PROC: variants seen among roughly 807,000 people sequenced by gnomAD.
The protein encoded by PROC is protein C, inactivator of coagulation factors Va and VIIIa.
PROC carries 22 observed loss-of-function variants against 36.3 expected under a neutral mutation model. The ratio of observed to expected loss-of-function variants is 0.61; its 90% confidence interval spans 0.43 to 0.86. The LOEUF is 0.86. Among genes scored for constraint, PROC ranks in the 40% least tolerant of loss-of-function variants. PROC has a pLI of 0.00. For synonymous variants in PROC, 218 were observed against 244.5 expected, an observed-to-expected ratio of 0.89 and a Z score of 1.01; for missense variants, 526 against 629.7, an observed-to-expected ratio of 0.84 and a Z score of 1.76.
At chr2:127,422,643 G>A (rs1176051713) in intron 3 of PROC, among the ~76,000 whole-genome samples, 1 of 152,220 alleles carries the variant, frequency 6.6e-6, no homozygotes, top group Non-Finnish European at 1.5e-5. Context: ...TGCTGTGGGA[G>A]CAGACAGTCG....
At position 127,423,030 on chromosome 2, in the gene PROC, G is replaced by T; in HGVS notation, c.263-4G>T. ...CTGACCCCCTACCCCGCCTTGTGTC[G>T]CAGACGGTGACCAGTGCTTGGTCTT... On this transcript the variant is annotated splice_region_variant and splice_polypyrimidine_tract_variant and intron_variant, in intron 4 of 8. Coordinates refer to ENST00000234071, the MANE Select transcript of PROC (RefSeq NM_000312.4). 1 of 1,612,530 alleles carries T rather than the reference G, an allele frequency of 6.2e-7. No homozygotes were observed. Among genetic ancestry groups the T allele is most frequent in the Non-Finnish European group, 8.5e-7 (1 of 1,179,798 alleles).
At chr2:127,425,116 C>T (rs1173442489) in intron 6 of PROC, among the ~76,000 whole-genome samples, 1 of 152,226 alleles carries the variant, frequency 6.6e-6, no homozygotes, top group African/African-American at 2.4e-5. Flanking sequence ...GTTTCTCTTA[C>T]AAACTCTCAA....
Position 127,425,892 on chromosome 2 carries a change from TTGAC to T in PROC, c.536-174_536-171del, listed in dbSNP as rs571430618. ...TCTTACCATTCAGTGGCACTGTTTG[TTGAC>T]TGACTGACTGACTGACTGGCTGACT... On this transcript the variant is annotated intron_variant, in intron 6 of 8. Transcript: ENST00000234071. Among the ~76,000 whole-genome samples the T allele has an allele frequency of 1.6e-3, 249 of 152,272 alleles. 3 individuals carry two copies. The Middle Eastern group carries it at 0.024, about 15-fold the overall frequency.
chr2:127,428,485 G>C lies in PROC; in HGVS notation c.925G>C (p.Ala309Pro). The change falls in exon 9 of 9, where the codon GCC becomes CCC. Residue 309 changes from alanine (A) to proline (P), a missense_variant. By Grantham distance (27) the Ala-to-Pro change is conservative. Transcript: ENST00000234071. Reference sequence around the variant, plus strand: ...CGCACTGCTGCACCTGGCCCAGCCCGCCACCCTCTCGCAGACCATAGTGCC... The same window carrying C: ...CGCACTGCTGCACCTGGCCCAGCCCCCCACCCTCTCGCAGACCATAGTGCC... ...DIALLHLAQPATLSQTIVPIC... is the reference protein window; with the variant it reads ...DIALLHLAQPPTLSQTIVPIC... 1 of 1,614,092 alleles carries C rather than the reference G, an allele frequency of 6.2e-7. No homozygotes were observed. The highest frequency in any genetic ancestry group is 8.5e-7 in the Non-Finnish European group (1 of 1,180,032).
rs1325858545 is a variant in PROC at position 127,428,824 on chromosome 2, T to G, written c.1264T>G (p.Trp422Gly). The change falls in exon 9 of 9, where the codon TGG (tryptophan) becomes GGG (glycine). Residue 422 changes from tryptophan (W) to glycine (G), a missense_variant. Physicochemically the swap from Trp to Gly is radical, Grantham distance 184. Transcript: ENST00000234071. ...CTGGTTCCTGGTGGGCCTGGTGAGCTGGGGTGAGGGCTGTGGGCTCCTTCA... is the reference window on the plus strand; with the variant it reads ...CTGGTTCCTGGTGGGCCTGGTGAGCGGGGGTGAGGGCTGTGGGCTCCTTCA... Reference protein sequence around the residue: ...GTWFLVGLVSWGEGCGLLHNY... With the variant: ...GTWFLVGLVSGGEGCGLLHNY... The G allele has an allele frequency of 5.6e-6, 9 of 1,612,180 alleles. No homozygotes were observed. Among genetic ancestry groups the G allele is most frequent in the Non-Finnish European group, 8.5e-7 (1 of 1,178,980 alleles).
intron 6 of PROC, among the ~76,000 whole-genome samples, chr2:127,424,340 C>T (rs1305186678): frequency 6.6e-6 from 1 of 152,200 alleles, no homozygotes; most frequent in East Asian, 1.9e-4. Context: ...GCTGGGATTA[C>T]AGGCATGCGC....
At chr2:127,423,507 G>A in intron 6 of PROC, 99 bp downstream of exon 6, 1 of 1,452,108 alleles carries the variant, frequency 6.9e-7, no homozygotes, top group African/African-American at 1.4e-5. Flanking sequence ...AGGGTTTCTA[G>A]GGAGGGAGCG....
chr2:127,419,577 G>A, intron 1 of PROC: 1 of 366,036 alleles, frequency 2.7e-6, no homozygotes, highest in Non-Finnish European at 5.2e-6. Flanking sequence ...TTGTTTGAAA[G>A]ACACCATGAG....
intron 2 of PROC, 79 bp downstream of exon 2, chr2:127,420,091 G>T: frequency 6.8e-7 from 1 of 1,475,494 alleles, no homozygotes; most frequent in Non-Finnish European, 9.4e-7. Context: ...GGCCTTCACA[G>T]CTTCCACCAT....
chr2:127,426,361 G>A lies in PROC; in HGVS notation c.678+134G>A. 1 of 1,348,128 alleles carries A rather than the reference G, an allele frequency of 7.4e-7. No homozygotes were observed. The highest frequency in any genetic ancestry group is 1.0e-6 in the Non-Finnish European group (1 of 968,184). The allele number at this position is 1,348,128 out of a possible 1,614,324, so 83.5% of individuals were successfully genotyped here. ...GCGTTTGGGGGATGATGAAGGTGGG[G>A]GATGCTTCAGGGAAAGATGGACGCA... On this transcript the variant is annotated intron_variant, in intron 7 of 8. Coordinates refer to ENST00000234071, the MANE Select transcript of PROC (RefSeq NM_000312.4). This position sits in a 1 kb window ranked among gnomAD's most constrained non-coding sequence, Gnocchi z 7.0.
chr2:127,423,143 C>G lies in PROC; in HGVS notation c.372C>G (p.Ser124Arg), dbSNP rs939496684. 3.1e-5 allele frequency: 50 copies of G among 1,596,358 alleles called. No homozygotes were observed. Among genetic ancestry groups the G allele is most frequent in the Non-Finnish European group, 3.9e-5 (46 of 1,170,890 alleles). The change falls in exon 5 of 9, where the codon AGC becomes AGG. Residue 124 changes from serine to arginine, a missense_variant. Coordinates refer to ENST00000234071, the MANE Select transcript of PROC (RefSeq NM_000312.4). ...GCAGCTTCAGCTGCGACTGCCGCAG[C>G]GGCTGGGAGGGCCGCTTCTGCCAGC... ...GIGSFSCDCR[S>R]GWEGRFCQRE...
intron 2 of PROC, among the ~76,000 whole-genome samples, chr2:127,420,443 G>A (rs1179792428): frequency 4.6e-5 from 7 of 152,142 alleles, no homozygotes; most frequent in Non-Finnish European, 8.8e-5. Context: ...CAGCCAACGG[G>A]AGGAGGCCAT....
Position 127,418,777 on chromosome 2 carries a change from T to C in PROC, c.-22+285T>C, listed in dbSNP as rs570982303. On this transcript the variant is annotated intron_variant, in intron 1 of 8. Transcript: ENST00000234071. This position sits in a 1 kb window ranked among gnomAD's most constrained non-coding sequence, Gnocchi z 4.8. ...GACCCTCCATTCTCCCCACCCCACT[T>C]CCACCTTTGGGGGTGTCGGATTTGA... Among the ~76,000 whole-genome samples the C allele has an allele frequency of 2.2e-4, 34 of 152,304 alleles. No individual in the cohort carries two copies. The highest frequency in any genetic ancestry group is 2.1e-3 in the Admixed American group (32 of 15,296).
chr2:127,427,254 C>T (rs1184858079), intron 8 of PROC, 32 bp downstream of exon 8: 2 of 1,588,300 alleles, frequency 1.3e-6, no homozygotes, highest in South Asian at 2.2e-5. Flanking sequence ...AAGGGGGCTG[C>T]CAGAGGCCTG....
At position 127,428,407 on chromosome 2, in the gene PROC, A is replaced by G. The variant is rs1402904849; in HGVS notation, c.847A>G (p.Lys283Glu). 6.2e-7 allele frequency: 1 copy of G among 1,614,096 alleles called. No individual in the cohort carries two copies. The highest frequency in any genetic ancestry group is 8.5e-7 in the Non-Finnish European group (1 of 1,180,006). The change falls in exon 9 of 9, where the codon AAG (lysine) becomes GAG (glutamate). Residue 283 changes from lysine (K) to glutamate (E), a missense_variant. Transcript: ENST00000234071. Reference sequence around the variant, plus strand: ...GAAGTGGGAGCTGGACCTGGACATCAAGGAGGTCTTCGTCCACCCCAACTA... The same window carrying G: ...GAAGTGGGAGCTGGACCTGGACATCGAGGAGGTCTTCGTCCACCCCAACTA... ...WEKWELDLDI[K>E]EVFVHPNYSK...
intron 1 of PROC, 118 bp from the exon 2 acceptor site, chr2:127,419,804 A>T: frequency 6.4e-7 from 1 of 1,562,210 alleles, no homozygotes; most frequent in Non-Finnish European, 8.7e-7. Flanking sequence ...CCTCAATCCC[A>T]GCTTCCGCCC....
chr2:127,425,307 C>A (rs866902782), intron 6 of PROC, among the ~76,000 whole-genome samples: 13 of 152,188 alleles, frequency 8.5e-5, no homozygotes, highest in African/African-American at 3.1e-4. Flanking sequence ...CTGTTGTGCC[C>A]TTTCCATTCT....
In PROC at chr2:127,428,625, C is replaced by T. The variant is rs548020208; in HGVS notation, c.1065C>T (p.Asn355=). The stretch of plus-strand genomic sequence containing the variant: ...GCCGAGAGAAGGAGGCCAAGAGAAA[C>T]CGCACCTTCGTCCTCAACTTCATCA... ...HSSREKEAKR[N]RTFVLNFIKI... The change falls in exon 9 of 9, where the codon AAC becomes AAT. Residue 355 remains asparagine (N), a synonymous_variant. Coordinates refer to ENST00000234071, the MANE Select transcript of PROC (RefSeq NM_000312.4). 4.2e-5 allele frequency: 68 copies of T among 1,614,088 alleles called. No individual in the cohort carries two copies. Among genetic ancestry groups the T allele is most frequent in the Admixed American group, 1.3e-4 (8 of 60,036 alleles).
In PROC at chr2:127,423,103, G is replaced by A. The variant is rs1171885932; in HGVS notation, c.332G>A (p.Cys111Tyr). The change falls in exon 5 of 9, where the codon TGC becomes TAC. Residue 111 changes from cysteine (C) to tyrosine (Y), a missense_variant. Coordinates refer to ENST00000234071, the MANE Select transcript of PROC (RefSeq NM_000312.4). ...AGCCTGTGCTGCGGGCACGGCACGT[G>A]CATCGACGGCATCGGCAGCTTCAGC... Reference protein sequence around the residue: ...CASLCCGHGTCIDGIGSFSCD... With the variant: ...CASLCCGHGTYIDGIGSFSCD... The A allele has an allele frequency of 4.3e-6, 7 of 1,609,492 alleles. No homozygotes were observed. Among genetic ancestry groups the A allele is most frequent in the Non-Finnish European group, 5.9e-6 (7 of 1,178,194 alleles).
Sources: allele counts gnomAD v4.1 joint callset (sites outside exome capture counted in the v4.1 genomes callset), GRCh38; gene constraint gnomAD v4.1.1; non-coding constraint Gnocchi (gnomAD v3.1); transcripts MANE v1.5; gene names NCBI Gene and HGNC (gene_info 2026-07-23, HGNC 2026-07-21).